Variants in ROR1 observed in about 807,000 individuals in gnomAD.
ROR1 encodes the protein inactive tyrosine-protein kinase transmembrane receptor ROR1.
A neutral mutation model predicts 78.8 loss-of-function variants in ROR1; 19 were observed. The ratio of observed to expected loss-of-function variants is 0.24; its 90% confidence interval spans 0.17 to 0.35. The LOEUF is 0.35. Ranked by LOEUF, ROR1 falls within the 10% of genes least tolerant of loss-of-function variation. The probability of loss-of-function intolerance (pLI) is 1.00; values close to 1 mark genes in which losing one functional copy is unlikely to be tolerated. For synonymous variants in ROR1, 386 were observed against 433.6 expected, an observed-to-expected ratio of 0.89 and a Z score of 1.36; for missense variants, 917 against 1,177.8, an observed-to-expected ratio of 0.78 and a Z score of 3.24.
intron 4 of ROR1, among the ~76,000 whole-genome samples, chr1:64,078,411 G>A (rs920278735): frequency 6.6e-6 from 1 of 152,158 alleles, no homozygotes; most frequent in Non-Finnish European, 1.5e-5. Context: ...AATAGTGATT[G>A]CAGTGAAGTG....
At chr1:63,792,343 C>G (rs952992977) in intron 1 of ROR1, among the ~76,000 whole-genome samples, 1 of 152,172 alleles carries the variant, frequency 6.6e-6, no homozygotes, top group Non-Finnish European at 1.5e-5. Flanking sequence ...CGCGACAACC[C>G]TATTCGGTAG....
intron 4 of ROR1, among the ~76,000 whole-genome samples, chr1:64,110,171 A>G (rs1344266947): frequency 1.3e-5 from 2 of 152,192 alleles, no homozygotes; most frequent in East Asian, 1.9e-4. Context: ...AGTTAGAATC[A>G]GTGGATAAAT....
At chr1:63,793,992 C>T (rs531217645) in intron 1 of ROR1, among the ~76,000 whole-genome samples, 5 of 152,134 alleles carry the variant, frequency 3.3e-5, no homozygotes, top group Non-Finnish European at 5.9e-5. Flanking sequence ...ATAGAACTGC[C>T]GCTAATGCAG....
intron 1 of ROR1, among the ~76,000 whole-genome samples, chr1:63,807,866 A>G (rs996394839): frequency 3.9e-5 from 6 of 152,154 alleles, no homozygotes; most frequent in Non-Finnish European, 7.4e-5. Flanking sequence ...TTCAGTTCAT[A>G]GTAATAACTG....
At chr1:63,795,806 A>G (rs1286942868) in intron 1 of ROR1, among the ~76,000 whole-genome samples, 1 of 152,212 alleles carries the variant, frequency 6.6e-6, no homozygotes, top group African/African-American at 2.4e-5. Context: ...TTAGAACAAT[A>G]GCTTGTTTTG....
At chr1:63,901,435 G>A (rs1404778012) in intron 1 of ROR1, among the ~76,000 whole-genome samples, 5 of 152,140 alleles carry the variant, frequency 3.3e-5, no homozygotes, top group African/African-American at 1.2e-4. Context: ...AGCTGTAATA[G>A]CAGTGTAATA....
At chr1:63,822,587 A>T (rs1644929955) in intron 1 of ROR1, among the ~76,000 whole-genome samples, 1 of 152,222 alleles carries the variant, frequency 6.6e-6, no homozygotes, top group South Asian at 2.1e-4. Flanking sequence ...ACCTGATTTT[A>T]AAAAATGAGT....
chr1:64,049,671 C>G lies in ROR1; in HGVS notation c.164-20C>G, dbSNP rs377646889. On this transcript the variant is annotated intron_variant, in intron 2 of 8. Transcript: ENST00000371079. ...TCAAGCTGTCTGCCCCTCTCACCTGCCTCCTCTCTGTGCTCACAGATTCTT... is the reference window on the plus strand; with the variant it reads ...TCAAGCTGTCTGCCCCTCTCACCTGGCTCCTCTCTGTGCTCACAGATTCTT... The G allele has an allele frequency of 3.5e-5, 56 of 1,606,228 alleles. No individual in the cohort carries two copies. The African/African-American group carries it at 7.2e-4, about 21-fold the overall frequency.
intron 1 of ROR1, among the ~76,000 whole-genome samples, chr1:63,975,834 T>G (rs2100502910): frequency 6.6e-6 from 1 of 152,260 alleles, no homozygotes; most frequent in Middle Eastern, 3.4e-3. Flanking sequence ...CTCCCATCAT[T>G]TCAGTCTACA....
intron 1 of ROR1, among the ~76,000 whole-genome samples, chr1:63,783,372 T>C (rs568883832): frequency 6.6e-6 from 1 of 152,312 alleles, no homozygotes; most frequent in South Asian, 2.1e-4. Flanking sequence ...TCTCTTATAG[T>C]GCAGGCTACT....
intron 1 of ROR1, among the ~76,000 whole-genome samples, chr1:63,776,208 G>T (rs1229700985): frequency 6.6e-6 from 1 of 152,230 alleles, no homozygotes; most frequent in Non-Finnish European, 1.5e-5. Context: ...TTAGATCATA[G>T]CCCCTTGTGG....
At chr1:63,941,483 G>A (rs1344528566) in intron 1 of ROR1, among the ~76,000 whole-genome samples, 2 of 152,178 alleles carry the variant, frequency 1.3e-5, no homozygotes, top group Non-Finnish European at 2.9e-5. Flanking sequence ...TTTAAGTATT[G>A]GAGTACAGTA....
intron 4 of ROR1, among the ~76,000 whole-genome samples, chr1:64,051,812 T>C (rs1646835632): frequency 6.6e-6 from 1 of 152,244 alleles, no homozygotes; most frequent in Non-Finnish European, 1.5e-5. Flanking sequence ...AAAATTTTTG[T>C]GGCTCTGCCA....
rs1197518044 is a variant in ROR1 at position 64,177,597 on chromosome 1, A to T, written c.1556A>T (p.Glu519Val). ...KDYNNPQQWT[E>V]FQQEASLMAE... ...TATAACAACCCCCAGCAATGGACGG[A>T]ATTTCAACAAGAAGCCTCCCTAATG... The change falls in exon 9 of 9, where the codon GAA becomes GTA. Residue 519 changes from glutamate (E) to valine (V), a missense_variant. Coordinates refer to ENST00000371079, the MANE Select transcript of ROR1 (RefSeq NM_005012.4). 1.9e-6 allele frequency: 3 copies of T among 1,614,084 alleles called. No homozygotes were observed. The highest frequency in any genetic ancestry group is 1.3e-5 in the African/African-American group (1 of 74,940).
chr1:64,125,380 C>T (rs1425996978), intron 4 of ROR1, among the ~76,000 whole-genome samples: 1 of 152,108 alleles, frequency 6.6e-6, no homozygotes, highest in Non-Finnish European at 1.5e-5. Flanking sequence ...TAGGAGAAAA[C>T]GTATGTCACC....
At chr1:63,849,146 A>G (rs1371449512) in intron 1 of ROR1, among the ~76,000 whole-genome samples, 2 of 152,174 alleles carry the variant, frequency 1.3e-5, no homozygotes, top group East Asian at 1.9e-4. Context: ...CTAGTTTTCA[A>G]TGTTTTTTAA....
chr1:63,902,931 G>A (rs959701813), intron 1 of ROR1, among the ~76,000 whole-genome samples: 2 of 152,080 alleles, frequency 1.3e-5, no homozygotes, highest in African/African-American at 4.8e-5. Context: ...TCTGCCTCAC[G>A]TCCATGTTCT....
chr1:64,004,245 T>C (rs1646410289), intron 1 of ROR1, among the ~76,000 whole-genome samples: 1 of 152,228 alleles, frequency 6.6e-6, no homozygotes, highest in Non-Finnish European at 1.5e-5. Flanking sequence ...TTTTAAACAA[T>C]TGTTTAAAAC....
intron 1 of ROR1, among the ~76,000 whole-genome samples, chr1:63,891,798 G>A (rs1013478645): frequency 6.6e-6 from 1 of 152,038 alleles, no homozygotes; most frequent in Non-Finnish European, 1.5e-5. Context: ...GCCTTTGGAC[G>A]CTGGGACTTA....
Sources: gnomAD v4.1 joint callset for allele counts (sites outside exome capture counted in the v4.1 genomes callset) on GRCh38, gnomAD v4.1.1 for gene constraint, MANE v1.5 for transcripts, NCBI Gene and HGNC (gene_info 2026-07-23, HGNC 2026-07-21) for gene names.